MNAT1: variants seen among roughly 807,000 people sequenced by gnomAD.
MNAT1 encodes the protein CDK-activating kinase assembly factor MAT1.
In MNAT1, 43 loss-of-function variants were observed where a neutral mutation model predicts 42.0. The observed-to-expected ratio is 1.02, with a 90% CI of 0.80 to 1.32. The LOEUF (loss-of-function observed/expected upper bound fraction) is 1.32, where lower values mean the gene tolerates loss of function less well. Ranked by LOEUF, MNAT1 falls within the 40% of genes most tolerant of loss-of-function variation. The pLI, the probability that MNAT1 is intolerant of heterozygous loss-of-function variation, is 0.00. For missense variants in MNAT1, 306 were observed against 350.4 expected (o/e 0.87, Z 1.01); for synonymous variants, 118 against 120.0 (o/e 0.98, Z 0.11).
chr14:60,796,191 GT>G (rs1179995932), intron 1 of MNAT1, 25 bp from the exon 2 acceptor site: 1 of 1,595,536 alleles, frequency 6.3e-7, no homozygotes, highest in African/African-American at 1.3e-5. Context: ...TGGCTTAAAT[GT>G]TATGTTTTAT....
At position 60,964,136 on chromosome 14, in the gene MNAT1, G is replaced by A. The variant is rs376351724; in HGVS notation, c.810-4093G>A. 8.3e-4 allele frequency among the ~76,000 whole-genome samples: 127 copies of A among 152,340 alleles called. 1 individual carries two copies. The highest frequency in any genetic ancestry group is 3.0e-3 in the African/African-American group (123 of 41,574). On this transcript the variant is annotated intron_variant, in intron 7 of 7. Transcript: ENST00000261245. ...AACTGAAGTCTTTCTGAAGCTAAGT[G>A]TAAATTATTCCACTTTCTTTGGGAG...
intron 6 of MNAT1, among the ~76,000 whole-genome samples, chr14:60,849,825 A>G (rs1201519815): frequency 6.6e-6 from 1 of 151,812 alleles, no homozygotes; most frequent in Non-Finnish European, 1.5e-5. Flanking sequence ...GCTGTTGTGT[A>G]TCCTTAGTTT....
intron 6 of MNAT1, among the ~76,000 whole-genome samples, chr14:60,852,843 A>C (rs923158017): frequency 1.3e-5 from 2 of 152,192 alleles, no homozygotes; most frequent in African/African-American, 4.8e-5. Flanking sequence ...TTTGTCAAAG[A>C]TCAGATGGTT....
At chr14:60,856,641 T>TA (rs2033965107) in intron 6 of MNAT1, among the ~76,000 whole-genome samples, 1 of 151,828 alleles carries the variant, frequency 6.6e-6, no homozygotes, top group Admixed American at 6.6e-5. Context: ...TTTTAGAGGC[T>TA]AATGCAGCTG....
chr14:60,778,004 G>T lies in MNAT1; in HGVS notation c.90-18213G>T, dbSNP rs185693713. On this transcript the variant is annotated intron_variant, in intron 1 of 7. Coordinates refer to ENST00000261245, the MANE Select transcript of MNAT1 (RefSeq NM_002431.4). ...TTGGCAACAACTGAAGGAATGCCAG[G>T]CAGACTTTGAAATCTGTGCTGGGTC... Among the ~76,000 whole-genome samples, 8 of 152,330 alleles carry T rather than the reference G, an allele frequency of 5.3e-5. No individual in the cohort carries two copies. In the East Asian group the frequency reaches 1.5e-3, roughly 29 times the overall value.
intron 7 of MNAT1, among the ~76,000 whole-genome samples, chr14:60,882,241 T>A (rs1209888582): frequency 6.6e-6 from 1 of 151,956 alleles, no homozygotes; most frequent in Non-Finnish European, 1.5e-5. Flanking sequence ...CTCTCCCACC[T>A]CCTCACTACC....
In MNAT1 at chr14:60,812,091, A is replaced by T. The variant is rs1355263115; in HGVS notation, c.525A>T (p.Leu175=). ...AAGAAGAACAACTGCAGCAGATTCTAAAAAGGAAGAATAAGCAGGCTTTTT... is the reference window on the plus strand; with the variant it reads ...AAGAAGAACAACTGCAGCAGATTCTTAAAAGGAAGAATAAGCAGGCTTTTT... ...IQKEEQLQQI[L]KRKNKQAFLD... Residue 175 remains leucine (L), a synonymous_variant, in exon 5 of 8, where the codon CTA becomes CTT. Coordinates refer to ENST00000261245, the MANE Select transcript of MNAT1 (RefSeq NM_002431.4). 15 of 1,590,246 alleles carry T rather than the reference A, an allele frequency of 9.4e-6. No homozygotes were observed. The highest frequency in any genetic ancestry group is 1.3e-5 in the Non-Finnish European group (15 of 1,171,384).
At chr14:60,917,556 A>G (rs561436160) in intron 7 of MNAT1, among the ~76,000 whole-genome samples, 4 of 152,234 alleles carry the variant, frequency 2.6e-5, no homozygotes, top group South Asian at 2.1e-4. Flanking sequence ...GACATATGCA[A>G]CTTGTATATG....
intron 7 of MNAT1, among the ~76,000 whole-genome samples, chr14:60,914,364 T>C (rs1382801925): frequency 6.6e-6 from 1 of 152,208 alleles, no homozygotes; most frequent in Non-Finnish European, 1.5e-5. Flanking sequence ...CCCTGTGAGA[T>C]GAACCCGGTA....
chr14:60,739,881 C>T (rs371845444), intron 1 of MNAT1, among the ~76,000 whole-genome samples: 17 of 152,310 alleles, frequency 1.1e-4, no homozygotes, highest in Middle Eastern at 6.8e-3. Flanking sequence ...TGTCTGGGTG[C>T]AGTGGCTTAC....
chr14:60,900,106 T>C (rs2035044390), intron 7 of MNAT1, among the ~76,000 whole-genome samples: 1 of 149,414 alleles, frequency 6.7e-6, no homozygotes, highest in Admixed American at 6.7e-5. Context: ...CCCTATTCCC[T>C]GAGATGCAGC....
intron 7 of MNAT1, among the ~76,000 whole-genome samples, chr14:60,884,084 C>T (rs959533602): frequency 6.6e-6 from 1 of 151,502 alleles, no homozygotes; most frequent in Non-Finnish European, 1.5e-5. Context: ...ATTGCTCTAG[C>T]TAGGACTGCC....
intron 7 of MNAT1, among the ~76,000 whole-genome samples, chr14:60,936,487 G>C (rs2139578841): frequency 6.9e-6 from 1 of 145,342 alleles, no homozygotes; most frequent in Non-Finnish European, 1.5e-5. Context: ...TTGGTTTTTT[G>C]TCCTTGCGAT....
intron 1 of MNAT1, chr14:60,753,797 A>G (rs2030208526): frequency 6.6e-6 from 1 of 152,238 alleles, no homozygotes. Context: ...GAGGGCTCCC[A>G]GTGATTTTTG....
chr14:60,784,393 G>T (rs2031575322), intron 1 of MNAT1, among the ~76,000 whole-genome samples: 2 of 151,160 alleles, frequency 1.3e-5, no homozygotes, highest in South Asian at 4.2e-4. Flanking sequence ...TGCTCAGGCT[G>T]GTCTTGAACC....
chr14:60,866,973 G>GAC (rs1470062739), intron 6 of MNAT1, among the ~76,000 whole-genome samples: 8 of 152,096 alleles, frequency 5.3e-5, no homozygotes, highest in African/African-American at 1.7e-4. Flanking sequence ...ACACTAATTA[G>GAC]AGTATGTGTT....
chr14:60,755,598 G>A (rs2030316123), intron 1 of MNAT1, among the ~76,000 whole-genome samples: 1 of 152,194 alleles, frequency 6.6e-6, no homozygotes, highest in African/African-American at 2.4e-5. Context: ...CTAAAGTCAT[G>A]TAAAGCAGAA....
At chr14:60,738,618 C>G (rs573651162) in intron 1 of MNAT1, among the ~76,000 whole-genome samples, 1 of 151,958 alleles carries the variant, frequency 6.6e-6, no homozygotes, top group Non-Finnish European at 1.5e-5. Flanking sequence ...TCACCACAAC[C>G]TCTGCCTCCC....
At chr14:60,829,060 A>C (rs1486811060) in intron 6 of MNAT1, among the ~76,000 whole-genome samples, 1 of 152,080 alleles carries the variant, frequency 6.6e-6, no homozygotes, top group East Asian at 1.9e-4. Context: ...TTGATAAATG[A>C]CTGGCCACTG....
Sources: gnomAD v4.1 joint callset for allele counts (sites outside exome capture counted in the v4.1 genomes callset) on GRCh38, gnomAD v4.1.1 for gene constraint, MANE v1.5 for transcripts, NCBI Gene and HGNC (gene_info 2026-07-23, HGNC 2026-07-21) for gene names.